TRIM33: variants seen among roughly 807,000 people sequenced by gnomAD.
The protein encoded by TRIM33 is tripartite motif containing 33.
Under a neutral mutation model 125.4 loss-of-function variants are expected in TRIM33, and 20 were observed. That is an observed-to-expected ratio of 0.16 (90% confidence interval 0.11 to 0.23). The LOEUF is 0.23. TRIM33 is among the 10% of genes least tolerant of loss of function. The pLI, the probability that TRIM33 is intolerant of heterozygous loss-of-function variation, is 1.00. For synonymous variants in TRIM33, 564 were observed against 513.9 expected, an observed-to-expected ratio of 1.10 and a Z score of -1.32; for missense variants, 920 against 1,411.4, an observed-to-expected ratio of 0.65 and a Z score of 5.58.
Position 114,466,419 on chromosome 1 carries a change from G to A in TRIM33, c.527-2031C>T, listed in dbSNP as rs115999820. 6.6e-3 allele frequency among the ~76,000 whole-genome samples: 1,010 copies of A among 152,262 alleles called. 5 individuals are homozygous for A. Among genetic ancestry groups the A allele is most frequent in the African/African-American group, 0.015 (609 of 41,538 alleles). The stretch of plus-strand genomic sequence containing the variant: ...TGCTGCACATTCCTTCTTAAGAAAG[G>A]CCTATCTTCAGGACTGGCCCTTTAC... On this transcript the variant is annotated intron_variant, in intron 1 of 19. Transcript: ENST00000358465.
Position 114,392,815 on chromosome 1 carries a change from A to T in TRIM33, c.*4833T>A. 5.5e-6 allele frequency: 1 copy of T among 180,208 alleles called. No homozygotes were observed. The highest frequency in any genetic ancestry group is 9.1e-5 in the East Asian group (1 of 10,954). The allele number at this position is 180,208 out of a possible 1,614,324, so 11.2% of individuals were successfully genotyped here. A position where few individuals can be genotyped will look rare whatever the true frequency, so the allele number is the denominator to read the frequency against. On this transcript the variant is annotated 3_prime_UTR_variant, in exon 20 of 20. Coordinates refer to ENST00000358465, the MANE Select transcript of TRIM33 (RefSeq NM_015906.4). ...TTTTTCAATTTTCTAATTTAATAGAAATAACCAAAACAATGTGGCTTTCAA... is the reference window on the plus strand; with the variant it reads ...TTTTTCAATTTTCTAATTTAATAGATATAACCAAAACAATGTGGCTTTCAA...
At chr1:114,503,848 T>C (rs1652843512) in intron 1 of TRIM33, among the ~76,000 whole-genome samples, 1 of 152,154 alleles carries the variant, frequency 6.6e-6, no homozygotes, top group South Asian at 2.1e-4. Flanking sequence ...AAAACCATAG[T>C]TTTTAAGTAA....
chr1:114,417,173 T>C (rs1652985525), intron 11 of TRIM33, among the ~76,000 whole-genome samples: 1 of 151,690 alleles, frequency 6.6e-6, no homozygotes, highest in Non-Finnish European at 1.5e-5. Flanking sequence ...AGAGACAAAG[T>C]AGATTAGTGG....
intron 5 of TRIM33, among the ~76,000 whole-genome samples, chr1:114,431,739 A>G (rs12076243): frequency 0.037 from 5,585 of 152,250 alleles, 336 homozygotes; most frequent in African/African-American, 0.13. Context: ...ACTTTAATAC[A>G]CTCCAAGAAA....
rs115806080 is a variant in TRIM33 at position 114,485,071 on chromosome 1, G to A, written c.527-20683C>T. Among the ~76,000 whole-genome samples the A allele has an allele frequency of 2.3e-3, 351 of 151,592 alleles. 2 individuals carry two copies. The highest frequency in any genetic ancestry group is 8.2e-3 in the African/African-American group (340 of 41,366). ...TGTCTTTTAAAAAAAAAAAAAGTAC[G>A]TGTTTATTAAAGTCTCCAAAACTCC... On this transcript the variant is annotated intron_variant, in intron 1 of 19. Transcript: ENST00000358465.
At chr1:114,424,245 C>G (rs1647402433) in intron 10 of TRIM33, among the ~76,000 whole-genome samples, 1 of 152,110 alleles carries the variant, frequency 6.6e-6, no homozygotes, top group Non-Finnish European at 1.5e-5. Context: ...AAGAGCAGAG[C>G]AGCATTTTCA....
chr1:114,505,384 C>CA (rs1180867831), intron 1 of TRIM33, among the ~76,000 whole-genome samples: 1 of 152,092 alleles, frequency 6.6e-6, no homozygotes, highest in Non-Finnish European at 1.5e-5. Flanking sequence ...ATAGTATACA[C>CA]ACTCCAGGGA....
intron 9 of TRIM33, among the ~76,000 whole-genome samples, chr1:114,425,014 A>G (rs1647469310): frequency 1.3e-5 from 2 of 151,980 alleles, no homozygotes; most frequent in South Asian, 4.1e-4. Flanking sequence ...AAAGCGTATC[A>G]ACATTAACGT....
chr1:114,465,835 A>T (rs1650259324), intron 1 of TRIM33, among the ~76,000 whole-genome samples: 1 of 151,902 alleles, frequency 6.6e-6, no homozygotes. Flanking sequence ...AGGTCAGGAG[A>T]TGGAGACTAT....
At chr1:114,458,116 G>A (rs1054777950) in intron 4 of TRIM33, among the ~76,000 whole-genome samples, 1 of 152,154 alleles carries the variant, frequency 6.6e-6, no homozygotes, top group African/African-American at 2.4e-5. Flanking sequence ...TTTAAAGCAA[G>A]CATAATAGTT....
At chr1:114,432,051 T>G (rs963778814) in intron 5 of TRIM33, among the ~76,000 whole-genome samples, 7 of 152,120 alleles carry the variant, frequency 4.6e-5, no homozygotes, top group Admixed American at 3.3e-4. Context: ...TAAAAAATAA[T>G]GGAGATAGGT....
intron 1 of TRIM33, among the ~76,000 whole-genome samples, chr1:114,496,350 A>G (rs1264828465): frequency 6.6e-6 from 1 of 152,226 alleles, no homozygotes; most frequent in Non-Finnish European, 1.5e-5. Flanking sequence ...CATTTGTGGA[A>G]TTCATTCTGG....
chr1:114,483,660 G>A (rs866341050), intron 1 of TRIM33, among the ~76,000 whole-genome samples: 12 of 151,964 alleles, frequency 7.9e-5, no homozygotes, highest in African/African-American at 1.9e-4. Flanking sequence ...CAATCCACCC[G>A]CCTCAGCCTC....
chr1:114,464,247 TA>T, intron 2 of TRIM33, 22 bp downstream of exon 2: 1 of 1,298,914 alleles, frequency 7.7e-7, no homozygotes. Context: ...GATAGGAATA[TA>T]AAGAAAAATT....
chr1:114,444,958 G>A (rs1467109574), intron 4 of TRIM33, among the ~76,000 whole-genome samples: 1 of 151,924 alleles, frequency 6.6e-6, no homozygotes, highest in African/African-American at 2.4e-5. Flanking sequence ...CAAACTGACA[G>A]GAAATCTCAA....
chr1:114,502,755 C>T (rs527484089), intron 1 of TRIM33, among the ~76,000 whole-genome samples: 1 of 152,302 alleles, frequency 6.6e-6, no homozygotes, highest in East Asian at 1.9e-4. Context: ...GATCCTCCCA[C>T]CTCAGCCTTC....
chr1:114,431,001 T>C (rs914274801), intron 5 of TRIM33, 89 bp from the exon 6 acceptor site: 11 of 780,240 alleles, frequency 1.4e-5, no homozygotes, highest in Non-Finnish European at 2.4e-5. Flanking sequence ...AACTGGGCAC[T>C]TAACCGAGTA....
Position 114,397,603 on chromosome 1 carries a change from T to TTC in TRIM33, c.*44_*45insGA, listed in dbSNP as rs1572000076. ...GGGTTTTTTGTGTTTTTTTTTTTTT[T>TTC]TTCGTTTTTTTTTTTTTAAACAATT... is the stretch of plus-strand genomic sequence containing the variant. On this transcript the variant is annotated 3_prime_UTR_variant, in exon 20 of 20. Coordinates refer to ENST00000358465, the MANE Select transcript of TRIM33 (RefSeq NM_015906.4). 2.4e-5 allele frequency: 28 copies of TTC among 1,172,416 alleles called. No homozygotes were observed. Among genetic ancestry groups the TTC allele is most frequent in the East Asian group, 7.5e-5 (3 of 39,880 alleles). The allele number at this position is 1,172,416 out of a possible 1,614,324, so 72.6% of individuals were successfully genotyped here. A position where few individuals can be genotyped will look rare whatever the true frequency, so the allele number is the denominator to read the frequency against.
chr1:114,480,342 G>A (rs940659262), intron 1 of TRIM33, among the ~76,000 whole-genome samples: 11 of 151,942 alleles, frequency 7.2e-5, no homozygotes, highest in African/African-American at 2.4e-4. Flanking sequence ...CAAACACTTC[G>A]GAAGGCCGCA....
Sources: allele counts gnomAD v4.1 joint callset (sites outside exome capture counted in the v4.1 genomes callset), GRCh38; gene constraint gnomAD v4.1.1; transcripts MANE v1.5; gene names NCBI Gene and HGNC (gene_info 2026-07-23, HGNC 2026-07-21).